SERINC2: variants seen among roughly 807,000 people sequenced by gnomAD.
The protein encoded by SERINC2 is serine incorporator 2.
SERINC2 carries 56 observed loss-of-function variants against 54.2 expected under a neutral mutation model. The observed-to-expected ratio is 1.03, with a 90% CI of 0.83 to 1.29. The LOEUF is 1.29. Ranked by LOEUF, SERINC2 falls within the 50% of genes most tolerant of loss-of-function variation. SERINC2 has a pLI of 0.00. For missense variants in SERINC2, 614 were observed against 607.4 expected, an observed-to-expected ratio of 1.01 and a Z score of -0.12; for synonymous variants, 272 against 253.1, an observed-to-expected ratio of 1.07 and a Z score of -0.71.
chr1:31,427,349 C>T (rs1641073732), intron 6 of SERINC2, among the ~76,000 whole-genome samples: 1 of 152,110 alleles, frequency 6.6e-6, no homozygotes, highest in South Asian at 2.1e-4. Flanking sequence ...GCTGGAGCCC[C>T]TTGTGAGTAC....
intron 1 of SERINC2, among the ~76,000 whole-genome samples, chr1:31,415,542 ATGTGTATGTG>A (rs1640762018): frequency 6.6e-6 from 1 of 152,228 alleles, no homozygotes; most frequent in African/African-American, 2.4e-5. Flanking sequence ...AGTGAGCAGT[ATGTGTATGTG>A]TGTGTATATA....
At chr1:31,432,400 G>T (rs1307997470) in intron 8 of SERINC2, among the ~76,000 whole-genome samples, 4 of 152,162 alleles carry the variant, frequency 2.6e-5, no homozygotes, top group South Asian at 2.1e-4. Flanking sequence ...TCACAGAAAA[G>T]CATGACATAC....
chr1:31,411,568 G>A (rs1209719525), upstream of SERINC2, among the ~76,000 whole-genome samples: 3 of 152,066 alleles, frequency 2.0e-5, no homozygotes, highest in Non-Finnish European at 4.4e-5. Flanking sequence ...AGGCTTGGGG[G>A]AATCAGGAGG....
intron 7 of SERINC2, 57 bp downstream of exon 7, chr1:31,429,125 C>A (rs1188565401): frequency 1.4e-6 from 2 of 1,468,922 alleles, no homozygotes; most frequent in African/African-American, 2.8e-5. Context: ...CAGTATCAGT[C>A]TACTGTGGGG....
intron 5 of SERINC2, 128 bp downstream of exon 5, chr1:31,426,041 C>A: frequency 1.0e-6 from 1 of 978,706 alleles, no homozygotes; most frequent in Admixed American, 2.5e-5. Flanking sequence ...TGCCTTAGGT[C>A]AAGATTCCAA....
intron 8 of SERINC2, among the ~76,000 whole-genome samples, chr1:31,432,185 GGGTGGTTAGAGTGGAGAGAGTGGAC>G (rs1553134755): frequency 6.7e-6 from 1 of 150,042 alleles, no homozygotes; most frequent in African/African-American, 2.5e-5. Context: ...AGGGTGGATA[GGGTGGTTAGAGTGGAGAGAGTGGAC>G]AGGGTGGAGA....
In SERINC2 at chr1:31,413,255, G is replaced by A. The variant is rs1640689391; in HGVS notation, c.-11G>A. The A allele has an allele frequency of 2.5e-6, 3 of 1,214,694 alleles. No individual in the cohort carries two copies. Among genetic ancestry groups the A allele is most frequent in the South Asian group, 6.8e-5 (2 of 29,504 alleles). The allele number at this position is 1,214,694 out of a possible 1,614,324, so 75.2% of individuals were successfully genotyped here. ...CCCGGCGCCGGGCGCCCGAAGCCGG[G>A]AGCCGCCGCCATGGGGGCCTGCCTG... On this transcript the variant is annotated 5_prime_UTR_variant, in exon 1 of 10. Coordinates refer to ENST00000373709, the MANE Select transcript of SERINC2 (RefSeq NM_178865.5). The surrounding 1 kb of genome is among the most constrained non-coding windows in gnomAD (Gnocchi z 5.0).
At chr1:31,432,703 C>T (rs1641345201) in intron 8 of SERINC2, among the ~76,000 whole-genome samples, 1 of 152,060 alleles carries the variant, frequency 6.6e-6, no homozygotes, top group African/African-American at 2.4e-5. Flanking sequence ...CCGTCTAGTC[C>T]CCCCAGCAGC....
Position 31,424,863 on chromosome 1 carries a change from A to G in SERINC2, c.382A>G (p.Ile128Val). 5 of 1,611,064 alleles carry G rather than the reference A, an allele frequency of 3.1e-6. No homozygotes were observed. Among genetic ancestry groups the G allele is most frequent in the Non-Finnish European group, 4.2e-6 (5 of 1,179,242 alleles). Residue 128 changes from isoleucine to valine, a missense_variant, in exon 3 of 10, where the codon ATC becomes GTC. Ile to Val is a conservative substitution (Grantham distance 29). Coordinates refer to ENST00000373709, the MANE Select transcript of SERINC2 (RefSeq NM_178865.5). The part of the protein sequence containing the change: ...VSSSRDPRAA[I>V]QNGFWFFKFL... ...CAGCAGCCGGGACCCCCGGGCTGCC[A>G]TCCAGAATGGGTGAGAGAGGGGTCC...
intron 8 of SERINC2, 139 bp downstream of exon 8, chr1:31,429,677 A>G: frequency 1.0e-6 from 1 of 977,498 alleles, no homozygotes. Context: ...ATTGTGCGGG[A>G]GGGGAAACTG....
intron 5 of SERINC2, 58 bp downstream of exon 5, chr1:31,425,971 G>T: frequency 6.4e-7 from 1 of 1,561,504 alleles, no homozygotes; most frequent in Non-Finnish European, 8.7e-7. Context: ...GGCTGGGGCT[G>T]CCTGAGAAAT....
At chr1:31,416,733 T>C (rs893300201) in intron 1 of SERINC2, among the ~76,000 whole-genome samples, 12 of 151,586 alleles carry the variant, frequency 7.9e-5, no homozygotes, top group African/African-American at 2.9e-4. Context: ...TTTACTTTAT[T>C]TTTTTGAGAT....
At chr1:31,433,931 C>G in intron 9 of SERINC2, 133 bp from the exon 10 acceptor site, 1 of 881,182 alleles carries the variant, frequency 1.1e-6, no homozygotes, top group Non-Finnish European at 1.8e-6. Flanking sequence ...TTAAAAATGT[C>G]AGAGATGGAC....
At position 31,425,767 on chromosome 1, in the gene SERINC2, C is replaced by T; in HGVS notation, c.473-9C>T. On this transcript the variant is annotated splice_polypyrimidine_tract_variant and intron_variant, in intron 4 of 9. Transcript: ENST00000373709. The stretch of plus-strand genomic sequence containing the variant: ...ACCCTCCTCGCCTCACTCCCCTCTC[C>T]CCACCCAGTCTGGTTCTACTTCGGC... 1 of 1,612,124 alleles carries T rather than the reference C, an allele frequency of 6.2e-7. No individual in the cohort carries two copies.
chr1:31,423,700 G>A lies in SERINC2; in HGVS notation c.47G>A (p.Cys16Tyr). Residue 16 changes from cysteine (C) to tyrosine (Y), a missense_variant, in exon 2 of 10, where the codon TGC becomes TAC. Cys to Tyr is a radical substitution (Grantham distance 194). Coordinates refer to ENST00000373709, the MANE Select transcript of SERINC2 (RefSeq NM_178865.5). ...GACSLLSCAS[C>Y]LCGSAPCILC... ...GACAGTGCCCTCCCGCAGGCGTCCT[G>A]CCTCTGCGGCTCTGCCCCCTGCATC... is the stretch of plus-strand genomic sequence containing the variant. 6.2e-7 allele frequency: 1 copy of A among 1,608,550 alleles called. No homozygotes were observed. Among genetic ancestry groups the A allele is most frequent in the Non-Finnish European group, 8.5e-7 (1 of 1,179,804 alleles).
intron 8 of SERINC2, among the ~76,000 whole-genome samples, chr1:31,432,168 GGTGGATAGGGTGGATAGGGTGGTTAGA>G (rs1641305675): frequency 2.1e-5 from 3 of 146,112 alleles, no homozygotes; most frequent in Non-Finnish European, 3.0e-5. Context: ...GGGTGGATAG[GGTGGATAGGGTGGATAGGGTGGTTAGA>G]GTGGAGAGAG....
chr1:31,429,208 G>T, intron 7 of SERINC2, 140 bp downstream of exon 7: 1 of 1,002,064 alleles, frequency 1.0e-6, no homozygotes, highest in Non-Finnish European at 1.5e-6. Context: ...CCATGAGATG[G>T]GAGGGCCCCG....
chr1:31,424,568 C>G, intron 2 of SERINC2, 115 bp from the exon 3 acceptor site: 2 of 837,078 alleles, frequency 2.4e-6, no homozygotes, highest in Non-Finnish European at 3.7e-6. Context: ...CCAGCCCCTG[C>G]TGGGAGAGCC....
At position 31,422,641 on chromosome 1, in the gene SERINC2, G is replaced by T. The variant is rs148032776; in HGVS notation, c.40-1052G>T. Reference sequence around the variant, plus strand: ...TCCTGCTTGTGTAAGCTCCAGGAAGGCAAGGCCTATGTCTGTTGCTCTCCA... The same window carrying T: ...TCCTGCTTGTGTAAGCTCCAGGAAGTCAAGGCCTATGTCTGTTGCTCTCCA... On this transcript the variant is annotated intron_variant, in intron 1 of 9. Coordinates refer to ENST00000373709, the MANE Select transcript of SERINC2 (RefSeq NM_178865.5). Among the ~76,000 whole-genome samples, 181 of 152,300 alleles carry T rather than the reference G, an allele frequency of 1.2e-3. 2 individuals are homozygous for T. The highest frequency in any genetic ancestry group is 4.3e-3 in the African/African-American group (179 of 41,554).
Sources: allele counts gnomAD v4.1 joint callset (sites outside exome capture counted in the v4.1 genomes callset), GRCh38; gene constraint gnomAD v4.1.1; non-coding constraint Gnocchi (gnomAD v3.1); transcripts MANE v1.5; gene names NCBI Gene and HGNC (gene_info 2026-07-23, HGNC 2026-07-21).